TUSC3: variants seen among roughly 807,000 people sequenced by gnomAD.
TUSC3 encodes tumor suppressor candidate 3.
A neutral mutation model predicts 44.8 loss-of-function variants in TUSC3; 45 were observed. The ratio of observed to expected loss-of-function variants is 1.00; its 90% CI spans 0.79 to 1.29. The LOEUF (loss-of-function observed/expected upper bound fraction) is 1.29, where lower values mean the gene tolerates loss of function less well. Ranked by LOEUF, TUSC3 falls within the 50% of genes most tolerant of loss-of-function variation. TUSC3 has a pLI of 0.00. For missense variants in TUSC3, 519 were observed against 437.9 expected, an observed-to-expected ratio of 1.19 and a Z score of -1.65; for synonymous variants, 212 against 152.9, an observed-to-expected ratio of 1.39 and a Z score of -2.85.
rs1427119550 is a variant in TUSC3, at chr8:15,757,843, T to C, written c.*34T>C. 1.1e-5 allele frequency: 15 copies of C among 1,383,788 alleles called. No homozygotes were observed. In the African/African-American group the frequency reaches 2.1e-4, roughly 20 times the overall value. 85.7% of individuals were successfully genotyped at this position (1,383,788 alleles called of 1,614,324 possible). A position where few individuals can be genotyped will look rare whatever the true frequency, so the allele number is the denominator to read the frequency against. ...GATTTGGACCATGGCACTTAAAAAC[T>C]CTATAACCTCAGGCAAGTCTTTTAA... On this transcript the variant is annotated 3_prime_UTR_variant, in exon 10 of 11. Coordinates refer to ENST00000503731, the MANE Select transcript of TUSC3 (RefSeq NM_006765.4).
At position 15,571,628 on chromosome 8, in the gene TUSC3, C is replaced by T. The variant is rs371915556; in HGVS notation, c.138+31060C>T. Among the ~76,000 whole-genome samples, 12 of 152,220 alleles carry T rather than the reference C, an allele frequency of 7.9e-5. No homozygotes were observed. The East Asian group carries it at 1.6e-3, about 20-fold the overall frequency. On this transcript the variant is annotated intron_variant, in intron 1 of 10. Coordinates refer to ENST00000503731, the MANE Select transcript of TUSC3 (RefSeq NM_006765.4). ...TGATGGTGGGAGCAGCTGGCAACTT[C>T]TTAAGAAATTAAGTTGGCCACATTG...
intron 1 of TUSC3, among the ~76,000 whole-genome samples, chr8:15,609,700 A>T (rs1804680876): frequency 6.6e-6 from 1 of 151,970 alleles, no homozygotes; most frequent in Non-Finnish European, 1.5e-5. Flanking sequence ...ATAGTAGGGT[A>T]TTGTACTTAA....
At chr8:15,686,772 C>CA (rs1340145883) in intron 6 of TUSC3, among the ~76,000 whole-genome samples, 6 of 151,938 alleles carry the variant, frequency 3.9e-5, no homozygotes, top group Non-Finnish European at 8.8e-5. Flanking sequence ...AATTTTTAAA[C>CA]AAAAAAACCC....
At chr8:15,804,799 G>C in the TUSC3 span, among the ~76,000 whole-genome samples, 2 of 152,056 alleles carry the variant, frequency 1.3e-5, no homozygotes, top group African/African-American at 4.8e-5. Context: ...GATTGTTTTG[G>C]CTATGTTGAT....
chr8:15,734,462 T>C (rs1246692231), intron 7 of TUSC3, among the ~76,000 whole-genome samples: 1 of 152,144 alleles, frequency 6.6e-6, no homozygotes, highest in Non-Finnish European at 1.5e-5. Context: ...ATAAGAAACA[T>C]TATATTTTAA....
intron 1 of TUSC3, among the ~76,000 whole-genome samples, chr8:15,581,043 C>A (rs1249965130): frequency 8.5e-6 from 1 of 116,966 alleles, no homozygotes; most frequent in Non-Finnish European, 1.7e-5. Context: ...CTCTAAACTT[C>A]CCTTCTCGCT....
chr8:15,751,632 AAATT>A (rs1301439186), intron 9 of TUSC3, among the ~76,000 whole-genome samples: 2 of 152,040 alleles, frequency 1.3e-5, no homozygotes, highest in Non-Finnish European at 1.5e-5. Flanking sequence ...CACTGAATGT[AAATT>A]AATTGTCTGT....
intron 2 of TUSC3, among the ~76,000 whole-genome samples, chr8:15,485,773 A>G (rs1800725640): frequency 6.6e-6 from 1 of 151,292 alleles, no homozygotes; most frequent in East Asian, 2.0e-4. Context: ...TGCTTTGAAT[A>G]TGAGTTTGAG....
At chr8:15,829,598 T>G in the TUSC3 span, among the ~76,000 whole-genome samples, 2 of 152,144 alleles carry the variant, frequency 1.3e-5, no homozygotes, top group Non-Finnish European at 2.9e-5. Flanking sequence ...GATTTTGCTA[T>G]GCAAAATTTT....
At chr8:15,569,681 G>A (rs191923831) in intron 1 of TUSC3, among the ~76,000 whole-genome samples, 1 of 152,276 alleles carries the variant, frequency 6.6e-6, no homozygotes, top group East Asian at 1.9e-4. Flanking sequence ...ATCTCGTTAC[G>A]TGAGTTAGAG....
chr8:15,694,358 C>A (rs1563177154), intron 6 of TUSC3, among the ~76,000 whole-genome samples: 1 of 145,680 alleles, frequency 6.9e-6, no homozygotes, highest in Non-Finnish European at 1.5e-5. Context: ...AGGAAAATCA[C>A]TTGAACCTGG....
In TUSC3 at chr8:15,548,824, C is replaced by T. The variant is rs532404742; in HGVS notation, c.138+8256C>T. On this transcript the variant is annotated intron_variant, in intron 1 of 10. Transcript: ENST00000503731. ...TATGTTTTAATAACTAGCTATACAACGCTATTTGTCAATTACATATTAAAT... is the reference window on the plus strand; with the variant it reads ...TATGTTTTAATAACTAGCTATACAATGCTATTTGTCAATTACATATTAAAT... Among the ~76,000 whole-genome samples, 210 of 151,922 alleles carry T rather than the reference C, an allele frequency of 1.4e-3. 2 individuals are homozygous for T. The highest frequency in any genetic ancestry group is 2.5e-3 in the Non-Finnish European group (173 of 67,918).
chr8:15,504,685 G>A (rs551451041), intron 2 of TUSC3, among the ~76,000 whole-genome samples: 227 of 125,344 alleles, frequency 1.8e-3, no homozygotes, highest in African/African-American at 5.9e-3. Flanking sequence ...ATGGAGTCTC[G>A]CTGTGTCCCC....
intron 8 of TUSC3, among the ~76,000 whole-genome samples, chr8:15,746,626 A>G (rs1056721740): frequency 2.0e-5 from 3 of 152,082 alleles, no homozygotes; most frequent in South Asian, 2.1e-4. Context: ...TCAAGTAATT[A>G]TCTTCTGTCT....
At chr8:15,565,133 G>A (rs7357384) in intron 1 of TUSC3, among the ~76,000 whole-genome samples, 8 of 151,506 alleles carry the variant, frequency 5.3e-5, no homozygotes, top group Non-Finnish European at 1.2e-4. Flanking sequence ...GGTGTCTGCA[G>A]GTTTGTTTCC....
intron 6 of TUSC3, 93 bp from the exon 7 acceptor site, chr8:15,730,573 T>A: frequency 8.1e-7 from 1 of 1,238,468 alleles, no homozygotes; most frequent in African/African-American, 1.5e-5. Flanking sequence ...AAAATCGAAT[T>A]AGATTTTTCC....
intron 2 of TUSC3, among the ~76,000 whole-genome samples, chr8:15,519,279 A>G (rs1009102193): frequency 6.6e-6 from 1 of 152,196 alleles, no homozygotes; most frequent in Non-Finnish European, 1.5e-5. Context: ...CTAAAGTTGT[A>G]AAGACATTTA....
intron 2 of TUSC3, among the ~76,000 whole-genome samples, chr8:15,519,377 C>T (rs908529264): frequency 5.3e-5 from 8 of 152,054 alleles, no homozygotes; most frequent in East Asian, 1.9e-4. Context: ...AGGCTTTCAA[C>T]AAGCTTATTA....
rs145029539 is a variant in TUSC3 at position 15,617,286 on chromosome 8, C to T, written c.139-5794C>T. Among the ~76,000 whole-genome samples the T allele has an allele frequency of 7.9e-3, 1,205 of 151,682 alleles. 12 individuals are homozygous for T. The highest frequency in any genetic ancestry group is 0.027 in the African/African-American group (1,112 of 41,368). On this transcript the variant is annotated intron_variant, in intron 1 of 10. Transcript: ENST00000503731. ...TCCTGAGTAGCTGGGACTGCAGGTTCGTGCCACCACGCCTGGCTTATTTTT... is the reference window on the plus strand; with the variant it reads ...TCCTGAGTAGCTGGGACTGCAGGTTTGTGCCACCACGCCTGGCTTATTTTT...
Sources: allele counts gnomAD v4.1 joint callset (sites outside exome capture counted in the v4.1 genomes callset), GRCh38; gene constraint gnomAD v4.1.1; transcripts MANE v1.5; gene names NCBI Gene and HGNC (gene_info 2026-07-23, HGNC 2026-07-21).